Variants in NSMCE1 observed in about 807,000 individuals in gnomAD.
NSMCE1 encodes the protein NSE1 component of SMC5/6 complex.
In NSMCE1, 18 loss-of-function variants were observed where a neutral mutation model predicts 29.6. That is an observed-to-expected ratio of 0.61 (90% CI 0.42 to 0.90). The LOEUF is 0.90. NSMCE1 is among the 40% of genes least tolerant of loss of function. The pLI, the probability that NSMCE1 is intolerant of heterozygous loss-of-function variation, is 0.00. For missense variants in NSMCE1, 314 were observed against 343.6 expected (o/e 0.91, Z 0.68); for synonymous variants, 124 against 133.4 (o/e 0.93, Z 0.49).
At position 27,251,159 on chromosome 16, in the gene NSMCE1, AATATATATATATATATAT is replaced by A. The variant is rs1166070119; in HGVS notation, c.136+6258_136+6275del. Among the ~76,000 whole-genome samples the A allele has an allele frequency of 3.0e-5, 2 of 65,780 alleles. 1 individual carries two copies. The allele number at this position is 65,780 out of a possible 152,430, so 43.2% of individuals were successfully genotyped here. On this transcript the variant is annotated intron_variant, in intron 2 of 7. Coordinates refer to ENST00000361439, the MANE Select transcript of NSMCE1 (RefSeq NM_145080.4). ...CCCAGCCTTAATTTTAATTATTTAA[AATATATATATATATATAT>A]ATATATATATATAAATATATATATA... is the stretch of plus-strand genomic sequence containing the variant.
chr16:27,230,943 A>G (rs2140987978), intron 5 of NSMCE1: 1 of 152,632 alleles, frequency 6.6e-6, no homozygotes, highest in South Asian at 2.1e-4. Flanking sequence ...CCCTCTCCAG[A>G]CACCAAGGGC....
chr16:27,232,669 G>C lies in NSMCE1; in HGVS notation c.483+332C>G, dbSNP rs949181911. Among the ~76,000 whole-genome samples, 4 of 152,224 alleles carry C rather than the reference G, an allele frequency of 2.6e-5. No individual in the cohort carries two copies. The highest frequency in any genetic ancestry group is 5.9e-5 in the Non-Finnish European group (4 of 68,050). ...GGGTTCAGACCCGGGTTAGATGTTAGAGCCACACTCTCAGCCACGGAACTG... is the reference window on the plus strand; with the variant it reads ...GGGTTCAGACCCGGGTTAGATGTTACAGCCACACTCTCAGCCACGGAACTG... On this transcript the variant is annotated intron_variant, in intron 5 of 7. Transcript: ENST00000361439. The surrounding 1 kb of genome is among the most constrained non-coding windows in gnomAD (Gnocchi z 4.5).
Position 27,232,906 on chromosome 16 carries a change from C to T in NSMCE1, c.483+95G>A. ...ATAAGGGATCCGAGAAGGCCGGGCT[C>T]CTCAGACATCAGTTGGCTACAAGTA... is the stretch of plus-strand genomic sequence containing the variant. On this transcript the variant is annotated intron_variant, in intron 5 of 7. Transcript: ENST00000361439. This position sits in a 1 kb window ranked among gnomAD's most constrained non-coding sequence, Gnocchi z 4.5. 7.6e-7 allele frequency: 1 copy of T among 1,314,744 alleles called. No homozygotes were observed. The highest frequency in any genetic ancestry group is 2.3e-5 in the East Asian group (1 of 43,482). 81.4% of individuals were successfully genotyped at this position (1,314,744 alleles called of 1,614,324 possible).
intron 1 of NSMCE1, among the ~76,000 whole-genome samples, chr16:27,263,756 C>A (rs774034852): frequency 1.3e-5 from 2 of 152,158 alleles, no homozygotes; most frequent in Non-Finnish European, 2.9e-5. Context: ...TAAAATTCAA[C>A]ATGTACCTAC....
Position 27,226,813 on chromosome 16 carries a change from G to A in NSMCE1, c.507C>T (p.His169=), listed in dbSNP as rs775329464. The part of the protein sequence containing the change: ...LIEKEGEFTL[H]GRAILEMEQY... ...GCTCCATCTCCAGGATGGCCCGGCC[G>A]TGCAGGGTGAACTCCCCTTCCTTCT... Residue 169 remains histidine, a synonymous_variant, in exon 6 of 8, where the codon CAC becomes CAT. Transcript: ENST00000361439. 1.3e-5 allele frequency: 21 copies of A among 1,613,250 alleles called. No homozygotes were observed. Among genetic ancestry groups the A allele is most frequent in the East Asian group, 6.7e-5 (3 of 44,894 alleles).
At chr16:27,246,393 C>T (rs537339848) in intron 2 of NSMCE1, among the ~76,000 whole-genome samples, 88 of 152,264 alleles carry the variant, frequency 5.8e-4, no homozygotes, top group Admixed American at 1.6e-3. Context: ...AATGTTAGTG[C>T]TGGAGAGTAT....
chr16:27,265,024 T>C (rs199657281), intron 1 of NSMCE1, among the ~76,000 whole-genome samples: 1 of 152,054 alleles, frequency 6.6e-6, no homozygotes, highest in East Asian at 1.9e-4. Flanking sequence ...AGATGCTCAA[T>C]CTCAATGTTA....
chr16:27,250,845 T>G (rs2084019241), intron 2 of NSMCE1, among the ~76,000 whole-genome samples: 1 of 69,812 alleles, frequency 1.4e-5, no homozygotes, highest in Non-Finnish European at 3.4e-5. Flanking sequence ...TTTTAACTGT[T>G]TTTTTTTTTT....
At chr16:27,230,054 G>T (rs1314241337) in intron 5 of NSMCE1, among the ~76,000 whole-genome samples, 1 of 152,226 alleles carries the variant, frequency 6.6e-6, no homozygotes, top group Non-Finnish European at 1.5e-5. Context: ...ACACTTGGAA[G>T]TCAGGACCTC....
At position 27,225,815 on chromosome 16, in the gene NSMCE1, A is replaced by T. The variant is rs146908812; in HGVS notation, c.632T>A (p.Met211Lys). Residue 211 changes from methionine (M) to lysine (K), a missense_variant, in exon 7 of 8, where the codon ATG becomes AAG. Physicochemically the swap from Met to Lys is moderately conservative, Grantham distance 95. Coordinates refer to ENST00000361439, the MANE Select transcript of NSMCE1 (RefSeq NM_145080.4). ...GTACTTGGCCACGCAGGGTAAGTGCATCCTGATCCCACAGGTTTCGCAGCT... is the reference window on the plus strand; with the variant it reads ...GTACTTGGCCACGCAGGGTAAGTGCTTCCTGATCCCACAGGTTTCGCAGCT... Reference protein sequence around the residue: ...GQSCETCGIRMHLPCVAKYFQ... With the variant: ...GQSCETCGIRKHLPCVAKYFQ... The T allele has an allele frequency of 6.2e-7, 1 of 1,614,102 alleles. No homozygotes were observed. The highest frequency in any genetic ancestry group is 8.5e-7 in the Non-Finnish European group (1 of 1,179,972).
intron 5 of NSMCE1, among the ~76,000 whole-genome samples, chr16:27,227,926 C>T (rs2083717465): frequency 1.3e-5 from 2 of 152,056 alleles, no homozygotes; most frequent in Non-Finnish European, 2.9e-5. Context: ...GCTGGGATTA[C>T]AGGCATGCGC....
At chr16:27,262,520 C>T (rs1233586034) in intron 1 of NSMCE1, among the ~76,000 whole-genome samples, 1 of 152,130 alleles carries the variant, frequency 6.6e-6, no homozygotes, top group Admixed American at 6.6e-5. Flanking sequence ...ATAAATGGTG[C>T]TAGTATAAGT....
intron 2 of NSMCE1, among the ~76,000 whole-genome samples, chr16:27,255,180 G>A (rs972916596): frequency 2.6e-5 from 4 of 151,840 alleles, no homozygotes; most frequent in Admixed American, 6.6e-5. Context: ...ACACCCAGCC[G>A]CTACTATGCT....
At chr16:27,233,758 G>A (rs991630587) in intron 4 of NSMCE1, among the ~76,000 whole-genome samples, 10 of 152,254 alleles carry the variant, frequency 6.6e-5, no homozygotes, top group Non-Finnish European at 1.2e-4. Context: ...AAATGTGCAC[G>A]TGCAAAGGAT....
At chr16:27,256,114 T>C (rs1354154789) in intron 2 of NSMCE1, among the ~76,000 whole-genome samples, 2 of 152,314 alleles carry the variant, frequency 1.3e-5, no homozygotes, top group East Asian at 3.9e-4. Flanking sequence ...GCTCCCTGTG[T>C]ACCTGTACAC....
chr16:27,256,098 G>A (rs80321706), intron 2 of NSMCE1, among the ~76,000 whole-genome samples: 3,243 of 152,138 alleles, frequency 0.021, 113 homozygotes, highest in African/African-American at 0.073. Context: ...CTTCACCTGT[G>A]TACTTGCTCC....
chr16:27,244,276 G>T (rs2083927315), intron 2 of NSMCE1, among the ~76,000 whole-genome samples: 1 of 152,230 alleles, frequency 6.6e-6, no homozygotes, highest in African/African-American at 2.4e-5. Context: ...GCTAAGCAGG[G>T]GCTAAGAAGT....
Position 27,251,189 on chromosome 16 carries a change from T to TATATATATATATATATATATATAA in NSMCE1, c.136+6245_136+6246insTTATATATATATATATATATATAT, listed in dbSNP as rs1459861130. The stretch of plus-strand genomic sequence containing the variant: ...ATATATATATATATATATATATATA[T>TATATATATATATATATATATATAA]AAATATATATATATATATAAAACTC... On this transcript the variant is annotated intron_variant, in intron 2 of 7. Transcript: ENST00000361439. Among the ~76,000 whole-genome samples, 207 of 58,680 alleles carry TATATATATATATATATATATATAA rather than the reference T, an allele frequency of 3.5e-3. 4 individuals carry two copies. Among genetic ancestry groups the TATATATATATATATATATATATAA allele is most frequent in the East Asian group, 7.5e-3 (11 of 1,466 alleles). The allele number at this position is 58,680 out of a possible 152,430, so 38.5% of individuals were successfully genotyped here. A position where few individuals can be genotyped will look rare whatever the true frequency, so the allele number is the denominator to read the frequency against.
At chr16:27,225,921 A>G (rs2083685934) in intron 6 of NSMCE1, 75 bp from the exon 7 acceptor site, 2 of 1,572,674 alleles carry the variant, frequency 1.3e-6, no homozygotes, top group Non-Finnish European at 1.7e-6. Flanking sequence ...GGAAGCCACA[A>G]GGGAAATGGG....
Sources: gnomAD v4.1 joint callset for allele counts (sites outside exome capture counted in the v4.1 genomes callset) on GRCh38, gnomAD v4.1.1 for gene constraint, Gnocchi (gnomAD v3.1) non-coding constraint, MANE v1.5 for transcripts, NCBI Gene and HGNC (gene_info 2026-07-23, HGNC 2026-07-21) for gene names.